Variants in MOGAT1 observed in about 807,000 individuals in gnomAD.
MOGAT1 encodes the protein 2-acylglycerol O-acyltransferase 1.
MOGAT1 carries 32 observed loss-of-function variants against 31.4 expected under a neutral mutation model. The observed-to-expected ratio is 1.02, with a 90% CI of 0.77 to 1.37. MOGAT1 has a LOEUF of 1.37. Among genes scored for constraint, MOGAT1 ranks in the 40% most tolerant of loss-of-function variants. The pLI, the probability that MOGAT1 is intolerant of heterozygous loss-of-function variation, is 0.00. For synonymous variants in MOGAT1, 145 were observed against 144.5 expected, an observed-to-expected ratio of 1.00 and a Z score of -0.03; for missense variants, 426 against 402.0, an observed-to-expected ratio of 1.06 and a Z score of -0.51.
intron 1 of MOGAT1, chr2:222,677,737 G>C (rs1692520407): frequency 2.6e-6 from 1 of 388,644 alleles, no homozygotes; most frequent in Non-Finnish European, 5.1e-6. Context: ...TGGTGAAGAA[G>C]GAAGTTACTG....
At chr2:222,679,677 T>C (rs1038011008) in intron 1 of MOGAT1, among the ~76,000 whole-genome samples, 1 of 152,210 alleles carries the variant, frequency 6.6e-6, no homozygotes, top group African/African-American at 2.4e-5. Flanking sequence ...AATCCACATG[T>C]TGTATTTAGT....
At chr2:222,692,249 C>T (rs1033061234) in intron 3 of MOGAT1, among the ~76,000 whole-genome samples, 1 of 152,152 alleles carries the variant, frequency 6.6e-6, no homozygotes, top group Admixed American at 6.6e-5. Context: ...ACTGGAGATA[C>T]AGAAGAGGAG....
Position 222,702,646 on chromosome 2 carries a change from G to A in MOGAT1, c.854-7090G>A, listed in dbSNP as rs556693992. On this transcript the variant is annotated intron_variant, in intron 5 of 5. Coordinates refer to ENST00000446656, the MANE Select transcript of MOGAT1 (RefSeq NM_058165.3). ...TTTTCAATAAAAAAGATAGGTAAGG[G>A]AATGCATTTTATTTAAATAAAACTA... Among the ~76,000 whole-genome samples, 651 of 151,908 alleles carry A rather than the reference G, an allele frequency of 4.3e-3. 2 individuals are homozygous for A. Among genetic ancestry groups the A allele is most frequent in the Middle Eastern group, 0.017 (5 of 292 alleles).
At chr2:222,694,596 C>G in intron 4 of MOGAT1, 60 bp downstream of exon 4, 1 of 1,514,450 alleles carries the variant, frequency 6.6e-7, no homozygotes, top group African/African-American at 1.4e-5. Flanking sequence ...TTAAACAAAC[C>G]ACGAAGAAGT....
chr2:222,683,417 A>G (rs1692612789), intron 1 of MOGAT1, among the ~76,000 whole-genome samples: 1 of 141,476 alleles, frequency 7.1e-6, no homozygotes, highest in Non-Finnish European at 1.5e-5. Flanking sequence ...TGTTATGTGA[A>G]TTTCACTTAA....
chr2:222,693,100 T>C (rs111710617), intron 3 of MOGAT1, among the ~76,000 whole-genome samples: 2 of 152,354 alleles, frequency 1.3e-5, no homozygotes, highest in African/African-American at 4.8e-5. Flanking sequence ...TGATGAGATA[T>C]GCTATGTCTT....
In MOGAT1 at chr2:222,694,779, C is replaced by T. The variant is rs73073780; in HGVS notation, c.653+243C>T. Among the ~76,000 whole-genome samples, 905 of 152,268 alleles carry T rather than the reference C, an allele frequency of 5.9e-3. 7 individuals carry two copies. The highest frequency in any genetic ancestry group is 0.021 in the African/African-American group (859 of 41,542). The stretch of plus-strand genomic sequence containing the variant: ...AAAACAACGAGAACAACAACAAAAA[C>T]CAACATTCTATATATACAGTGTAAT... On this transcript the variant is annotated intron_variant, in intron 4 of 5. Transcript: ENST00000446656.
intron 3 of MOGAT1, 53 bp downstream of exon 3, chr2:222,689,522 A>G: frequency 6.6e-7 from 1 of 1,519,216 alleles, no homozygotes. Context: ...GCAGGAGCAC[A>G]CAGAACATTC....
chr2:222,683,937 C>T (rs550733640), intron 1 of MOGAT1, among the ~76,000 whole-genome samples: 2 of 152,174 alleles, frequency 1.3e-5, no homozygotes, highest in East Asian at 1.9e-4. Context: ...ACATAAGTTT[C>T]GAGAGCTGCA....
intron 5 of MOGAT1, among the ~76,000 whole-genome samples, chr2:222,695,618 A>G (rs532040520): frequency 1.4e-4 from 21 of 152,356 alleles, no homozygotes; most frequent in African/African-American, 4.6e-4. Flanking sequence ...ATGACAAGTC[A>G]TATCAGAGTT....
chr2:222,687,141 AAAGAACAAGAAAGAAAG>A, intron 1 of MOGAT1, among the ~76,000 whole-genome samples: 1 of 59,954 alleles, frequency 1.7e-5, no homozygotes, highest in Non-Finnish European at 3.1e-5. Flanking sequence ...AAAAAAAAAG[AAAGAACAAGAAAGAAAG>A]AAAAAATATA....
In MOGAT1 at chr2:222,709,737, T is replaced by G; in HGVS notation, c.855T>G (p.Val285=). 1.2e-6 allele frequency: 2 copies of G among 1,612,174 alleles called. No homozygotes were observed. The highest frequency in any genetic ancestry group is 1.7e-6 in the Non-Finnish European group (2 of 1,179,248). ...TATGATGTATTCCCTGATTTGCAGT[T>G]GGCCGCCCGATCCCTGTTCGTCAGA... The part of the protein sequence containing the change: ...MTYRKAIHTV[V]GRPIPVRQTL... Residue 285 remains valine (V), a splice_region_variant and synonymous_variant, in exon 6 of 6, where the codon GTT becomes GTG. Coordinates refer to ENST00000446656, the MANE Select transcript of MOGAT1 (RefSeq NM_058165.3).
At chr2:222,700,725 TA>T (rs906884105) in intron 5 of MOGAT1, among the ~76,000 whole-genome samples, 1 of 152,208 alleles carries the variant, frequency 6.6e-6, no homozygotes, top group Non-Finnish European at 1.5e-5. Context: ...TACAATTCCA[TA>T]AAAAAAGTAA....
intron 1 of MOGAT1, among the ~76,000 whole-genome samples, chr2:222,682,118 C>CCACA (rs10572442): frequency 2.0e-5 from 3 of 150,858 alleles, no homozygotes; most frequent in African/African-American, 7.3e-5. Flanking sequence ...CTCCCTCTCA[C>CCACA]CACACACACA....
intron 1 of MOGAT1, among the ~76,000 whole-genome samples, chr2:222,673,221 G>C (rs59252922): frequency 0.067 from 9,987 of 148,216 alleles, 718 homozygotes; most frequent in African/African-American, 0.19. Context: ...CTCATCCCTG[G>C]AATTTCTAAG....
At chr2:222,671,908 G>T (rs1177180078) in intron 1 of MOGAT1, 29 bp downstream of exon 1, 3 of 1,524,232 alleles carry the variant, frequency 2.0e-6, no homozygotes, top group African/African-American at 1.4e-5. Context: ...GGGCCGCGGG[G>T]CTTGGGCTCC....
chr2:222,680,992 C>G (rs1013500861), intron 1 of MOGAT1, among the ~76,000 whole-genome samples: 1 of 152,032 alleles, frequency 6.6e-6, no homozygotes, highest in South Asian at 2.1e-4. Flanking sequence ...GAAAGGGTAG[C>G]GACAAGAGAG....
At chr2:222,681,593 A>T (rs1433778158) in intron 1 of MOGAT1, among the ~76,000 whole-genome samples, 1 of 152,168 alleles carries the variant, frequency 6.6e-6, no homozygotes, top group Non-Finnish European at 1.5e-5. Flanking sequence ...AGGCATGATC[A>T]GTTACTAACA....
In MOGAT1 at chr2:222,693,894, A is replaced by G. The variant is rs574131923; in HGVS notation, c.479-468A>G. On this transcript the variant is annotated intron_variant, in intron 3 of 5. Coordinates refer to ENST00000446656, the MANE Select transcript of MOGAT1 (RefSeq NM_058165.3). ...AATGATCCATATAGAATATCTGAAAACAGGCCATTATATATTCAGAAAATC... is the reference window on the plus strand; with the variant it reads ...AATGATCCATATAGAATATCTGAAAGCAGGCCATTATATATTCAGAAAATC... Among the ~76,000 whole-genome samples the G allele has an allele frequency of 3.3e-5, 5 of 152,292 alleles. 1 individual carries two copies. The highest frequency in any genetic ancestry group is 2.6e-4 in the Admixed American group (4 of 15,310).
Sources: gnomAD v4.1 joint callset for allele counts (sites outside exome capture counted in the v4.1 genomes callset) on GRCh38, gnomAD v4.1.1 for gene constraint, MANE v1.5 for transcripts, NCBI Gene and HGNC (gene_info 2026-07-23, HGNC 2026-07-21) for gene names.